Variants in DOCK8 observed in about 807,000 individuals in gnomAD.
DOCK8 encodes the protein dedicator of cytokinesis protein 8.
Under a neutral mutation model 245.6 loss-of-function variants are expected in DOCK8, and 141 were observed. That is an observed-to-expected ratio of 0.57 (90% CI 0.50 to 0.66). The LOEUF (loss-of-function observed/expected upper bound fraction) is 0.66, where lower values mean the gene tolerates loss of function less well. DOCK8 is among the 30% of genes least tolerant of loss of function. The pLI, the probability that DOCK8 is intolerant of heterozygous loss-of-function variation, is 0.00. For missense variants in DOCK8, 2,965 were observed against 2,603.4 expected (o/e 1.14, Z -3.02); for synonymous variants, 1,168 against 970.2 (o/e 1.20, Z -3.79).
upstream of DOCK8, chr9:214,151 C>T (rs866222297): frequency 3.4e-6 from 1 of 291,564 alleles, no homozygotes; most frequent in African/African-American, 2.3e-5. Context: ...CCTCCACTCC[C>T]GTCAACACTG....
intron 1 of DOCK8, among the ~76,000 whole-genome samples, chr9:221,356 C>G (rs1052161961): frequency 2.6e-5 from 4 of 152,106 alleles, no homozygotes; most frequent in Non-Finnish European, 5.9e-5. Context: ...TTCAGCCAAC[C>G]ACAGATCAAA....
chr9:436,283 A>G (rs953249639), intron 39 of DOCK8, among the ~76,000 whole-genome samples: 1 of 152,246 alleles, frequency 6.6e-6, no homozygotes, highest in Non-Finnish European at 1.5e-5. Context: ...ATAAAAGCTG[A>G]TAATTAAATC....
intron 1 of DOCK8, among the ~76,000 whole-genome samples, chr9:257,537 T>C (rs2129715651): frequency 6.6e-6 from 1 of 152,300 alleles, no homozygotes; most frequent in Middle Eastern, 3.4e-3. Flanking sequence ...TTTTGTTTTT[T>C]TGAGACAGAG....
intron 1 of DOCK8, among the ~76,000 whole-genome samples, chr9:223,824 T>C (rs148207020): frequency 2.6e-5 from 4 of 152,256 alleles, no homozygotes; most frequent in African/African-American, 7.2e-5. Flanking sequence ...GTCCCTGTTA[T>C]TCTGTTGCCC....
chr9:412,215 G>A (rs971803723), intron 28 of DOCK8, among the ~76,000 whole-genome samples: 1 of 152,072 alleles, frequency 6.6e-6, no homozygotes, highest in Admixed American at 6.6e-5. Context: ...AACACCCTGA[G>A]CAACATGGCA....
At chr9:336,460 C>T in intron 11 of DOCK8, 122 bp from the exon 12 acceptor site, 3 of 1,339,982 alleles carry the variant, frequency 2.2e-6, no homozygotes. Flanking sequence ...TCATTCAAAA[C>T]AAGGATGGCC....
At chr9:373,460 C>A (rs3739600) in intron 18 of DOCK8, among the ~76,000 whole-genome samples, 47,207 of 152,000 alleles carry the variant, frequency 0.31, 8,065 homozygotes, top group African/African-American at 0.45. Context: ...CCCACTAATG[C>A]TATATTTTTG....
intron 14 of DOCK8, among the ~76,000 whole-genome samples, chr9:362,845 A>G (rs1419516223): frequency 1.3e-5 from 2 of 152,248 alleles, no homozygotes; most frequent in African/African-American, 4.8e-5. Context: ...ACTTGGGAGA[A>G]GCCAAAGTGA....
intron 5 of DOCK8, among the ~76,000 whole-genome samples, chr9:307,338 G>GTTTTTTTTTTTTTTT (rs1165775428): frequency 1.4e-4 from 7 of 51,236 alleles, no homozygotes; most frequent in Admixed American, 2.7e-4. Flanking sequence ...GGTTTTTTTT[G>GTTTTTTTTTTTTTTT]TTTTTTTTTT....
intron 46 of DOCK8, among the ~76,000 whole-genome samples, chr9:454,833 C>A (rs1047660461): frequency 1.2e-4 from 19 of 152,090 alleles, no homozygotes; most frequent in African/African-American, 4.3e-4. Flanking sequence ...ACTAAACATG[C>A]GTTTCTCATT....
chr9:371,706 G>C (rs113978288), intron 17 of DOCK8, 140 bp downstream of exon 17: 12 of 1,181,962 alleles, frequency 1.0e-5, no homozygotes, highest in African/African-American at 9.1e-5. Flanking sequence ...ATTATAGCAA[G>C]AGGCAGAAAT....
chr9:370,841 T>C (rs1384659494), intron 16 of DOCK8, among the ~76,000 whole-genome samples: 2 of 152,214 alleles, frequency 1.3e-5, no homozygotes, highest in African/African-American at 4.8e-5. Context: ...GATCCGGGCC[T>C]GATAACCTGG....
chr9:235,005 G>GT (rs1563828544), intron 1 of DOCK8, among the ~76,000 whole-genome samples: 1 of 152,048 alleles, frequency 6.6e-6, no homozygotes, highest in Non-Finnish European at 1.5e-5. Flanking sequence ...TTTCTGCTCT[G>GT]TTTTTTTCCC....
chr9:245,934 A>G (rs1326733849), intron 1 of DOCK8, among the ~76,000 whole-genome samples: 1 of 152,122 alleles, frequency 6.6e-6, no homozygotes, highest in Non-Finnish European at 1.5e-5. Context: ...AAAATTGGGC[A>G]TCTGGCTGGG....
chr9:431,342 GAAAAAAGTCAGCCTCCTCCAA>G (rs2056704162), intron 36 of DOCK8, among the ~76,000 whole-genome samples: 1 of 152,204 alleles, frequency 6.6e-6, no homozygotes, highest in East Asian at 1.9e-4. Flanking sequence ...TTGGCCCATG[GAAAAAAGTCAGCCTCCTCCAA>G]ATGTATTAGG....
At chr9:400,952 A>ACCACCATCACCT (rs2055021488) in intron 26 of DOCK8, among the ~76,000 whole-genome samples, 8 of 67,438 alleles carry the variant, frequency 1.2e-4, no homozygotes, top group Admixed American at 8.8e-4. Flanking sequence ...CACCATCACC[A>ACCACCATCACCT]CCACCACCAC....
At chr9:391,567 C>A (rs185643819) in intron 24 of DOCK8, among the ~76,000 whole-genome samples, 1 of 152,084 alleles carries the variant, frequency 6.6e-6, no homozygotes, top group African/African-American at 2.4e-5. Context: ...ATAGTGATAA[C>A]TATTTTTTTG....
rs761968450 is a variant in DOCK8, at chr9:372,211, T to C, written c.2034T>C (p.Arg678=). 1.9e-6 allele frequency: 3 copies of C among 1,614,136 alleles called. No homozygotes were observed. Among genetic ancestry groups the C allele is most frequent in the South Asian group, 2.2e-5 (2 of 91,088 alleles). ...YSWLPILLNE[R]LQTGSYCLPV... is the part of the protein sequence containing the mutation. The stretch of plus-strand genomic sequence containing the variant: ...GGCTGCCAATTCTCTTAAATGAACG[T>C]CTTCAAACTGGATCCTACTGTCTCC... Residue 678 remains arginine, a synonymous_variant, in exon 18 of 48, where the codon CGT becomes CGC. Coordinates refer to ENST00000432829, the MANE Select transcript of DOCK8 (RefSeq NM_203447.4).
rs191337892 is a variant in DOCK8, at chr9:428,163, T to C, written c.4339-199T>C. On this transcript the variant is annotated intron_variant, in intron 34 of 47. Transcript: ENST00000432829. ...GAATTAGGTATAAATCCCAAACTCA[T>C]TGGAAGCATTGAAATAAAGCCATTT... 1.6e-4 allele frequency among the ~76,000 whole-genome samples: 24 copies of C among 152,340 alleles called. No homozygotes were observed. In the East Asian group the frequency reaches 4.2e-3, roughly 27 times the overall value.
Sources: allele counts gnomAD v4.1 joint callset (sites outside exome capture counted in the v4.1 genomes callset), GRCh38; gene constraint gnomAD v4.1.1; transcripts MANE v1.5; gene names NCBI Gene and HGNC (gene_info 2026-07-23, HGNC 2026-07-21).